The following SRGAP1 variants were observed in gnomAD, a reference collection of about 807,000 sequenced individuals.
SRGAP1 encodes SLIT-ROBO Rho GTPase activating protein 1, also known as SLIT-ROBO Rho GTPase-activating protein 1.
SRGAP1 carries 43 observed loss-of-function variants against 121.9 expected under a neutral mutation model. That is an observed-to-expected ratio of 0.35 (90% CI 0.28 to 0.46). The LOEUF is 0.46. Among genes scored for constraint, SRGAP1 ranks in the 20% least tolerant of loss-of-function variants. The pLI, the probability that SRGAP1 is intolerant of heterozygous loss-of-function variation, is 1.00. For missense variants in SRGAP1, 1,102 were observed against 1,350.9 expected, an observed-to-expected ratio of 0.82 and a Z score of 2.89; for synonymous variants, 447 against 485.4, an observed-to-expected ratio of 0.92 and a Z score of 1.04.
At chr12:64,138,441 A>G (rs185583353) in intron 21 of SRGAP1, among the ~76,000 whole-genome samples, 42 of 144,026 alleles carry the variant, frequency 2.9e-4, no homozygotes, top group African/African-American at 1.0e-3. Context: ...TCTGAAATAA[A>G]TTGACTTTTT....
At chr12:63,899,765 G>A (rs558138807) in intron 1 of SRGAP1, among the ~76,000 whole-genome samples, 25 of 152,264 alleles carry the variant, frequency 1.6e-4, no homozygotes, top group African/African-American at 5.5e-4. Context: ...ATGTAAGGAG[G>A]CAGCATTAGG....
At chr12:64,001,085 A>C (rs922953228) in intron 3 of SRGAP1, among the ~76,000 whole-genome samples, 1 of 152,178 alleles carries the variant, frequency 6.6e-6, no homozygotes, top group Admixed American at 6.5e-5. Flanking sequence ...AACACGTAGT[A>C]CTTTCGAGCC....
chr12:64,064,567 G>A (rs557076528), intron 7 of SRGAP1, among the ~76,000 whole-genome samples: 138 of 152,246 alleles, frequency 9.1e-4, no homozygotes, highest in African/African-American at 3.1e-3. Context: ...CCTTGTGTAC[G>A]TTGTCTCATT....
chr12:63,960,586 G>T (rs1340736685), intron 1 of SRGAP1, among the ~76,000 whole-genome samples: 1 of 152,050 alleles, frequency 6.6e-6, no homozygotes, highest in South Asian at 2.1e-4. Context: ...CTGAATAATG[G>T]CTCCCCCAAA....
chr12:63,940,936 C>T (rs1339740734), intron 1 of SRGAP1, among the ~76,000 whole-genome samples: 3 of 152,092 alleles, frequency 2.0e-5, no homozygotes, highest in Non-Finnish European at 2.9e-5. Flanking sequence ...CATTACCTTC[C>T]CGCGGCCTGA....
intron 1 of SRGAP1, among the ~76,000 whole-genome samples, chr12:63,893,860 A>T (rs1900664561): frequency 6.6e-6 from 1 of 152,204 alleles, no homozygotes; most frequent in South Asian, 2.1e-4. Context: ...TGTTTTTGAG[A>T]CAGAGTCTTG....
intron 1 of SRGAP1, among the ~76,000 whole-genome samples, chr12:63,924,615 AG>A (rs987962379): frequency 6.6e-6 from 1 of 152,238 alleles, no homozygotes. Context: ...TTTATACCCT[AG>A]TGAACTTTAT....
At chr12:64,053,616 G>A (rs1458504347) in intron 6 of SRGAP1, among the ~76,000 whole-genome samples, 1 of 152,144 alleles carries the variant, frequency 6.6e-6, no homozygotes, top group African/African-American at 2.4e-5. Context: ...AATATAAATT[G>A]TAAGAATAAA....
intron 1 of SRGAP1, among the ~76,000 whole-genome samples, chr12:63,904,739 T>G (rs77032611): frequency 0.048 from 7,316 of 152,112 alleles, 267 homozygotes; most frequent in Middle Eastern, 0.14. Flanking sequence ...AAGACCAACG[T>G]GGTCAACTTT....
At chr12:64,042,687 T>C in intron 4 of SRGAP1, 103 bp from the exon 5 acceptor site, 1 of 765,758 alleles carries the variant, frequency 1.3e-6, no homozygotes, top group Non-Finnish European at 2.0e-6. Flanking sequence ...CCTCTGCCAT[T>C]TGGAAGGTGG....
intron 1 of SRGAP1, among the ~76,000 whole-genome samples, chr12:63,851,188 T>C (rs1011769142): frequency 3.3e-5 from 5 of 152,130 alleles, no homozygotes; most frequent in Non-Finnish European, 7.4e-5. Context: ...GAGACAGTTA[T>C]GTAAAGGTAA....
chr12:64,029,615 G>A (rs2034728897), intron 4 of SRGAP1, among the ~76,000 whole-genome samples: 1 of 152,168 alleles, frequency 6.6e-6, no homozygotes, highest in Admixed American at 6.5e-5. Flanking sequence ...GTGTGTGACG[G>A]AAAGCACAGA....
At chr12:63,876,210 G>T (rs1390688671) in intron 1 of SRGAP1, among the ~76,000 whole-genome samples, 1 of 152,226 alleles carries the variant, frequency 6.6e-6, no homozygotes, top group Non-Finnish European at 1.5e-5. Context: ...CAGAAAACAC[G>T]CTTGGAGAAA....
intron 1 of SRGAP1, among the ~76,000 whole-genome samples, chr12:63,858,933 C>T (rs1565923611): frequency 6.6e-6 from 1 of 151,616 alleles, no homozygotes; most frequent in East Asian, 2.0e-4. Flanking sequence ...GAACTCCTGA[C>T]CTCAGGTGAT....
At chr12:64,096,373 C>T (rs1056147956) in intron 14 of SRGAP1, among the ~76,000 whole-genome samples, 1 of 151,996 alleles carries the variant, frequency 6.6e-6, no homozygotes, top group African/African-American at 2.4e-5. Context: ...CGTTAAAATG[C>T]AATGCACACT....
intron 1 of SRGAP1, among the ~76,000 whole-genome samples, chr12:63,944,398 C>T (rs764648752): frequency 5.3e-5 from 8 of 152,192 alleles, no homozygotes; most frequent in Non-Finnish European, 2.9e-5. Flanking sequence ...TGGTCATCTT[C>T]TCAACCTTGC....
intron 3 of SRGAP1, among the ~76,000 whole-genome samples, chr12:64,004,395 CAG>C (rs2034010746): frequency 6.6e-6 from 1 of 152,066 alleles, no homozygotes; most frequent in Non-Finnish European, 1.5e-5. Context: ...TCACTTGAGA[CAG>C]AGTCTCACTC....
rs758632422 is a variant in SRGAP1, at chr12:64,097,389, T to A, written c.1813+14T>A. On this transcript the variant is annotated intron_variant, in intron 15 of 21. Coordinates refer to ENST00000355086, the MANE Select transcript of SRGAP1 (RefSeq NM_020762.4). ...TTTCTTGTATCAGTAAGTGGACATT[T>A]TTTTCATCTTTTCCCACAAGAATTA... is the stretch of plus-strand genomic sequence containing the variant. The A allele has an allele frequency of 4.4e-6, 7 of 1,604,042 alleles. No individual in the cohort carries two copies. The East Asian group carries it at 1.1e-4, about 26-fold the overall frequency.
chr12:63,986,136 A>ACT (rs1043200988), intron 2 of SRGAP1, among the ~76,000 whole-genome samples: 1 of 115,868 alleles, frequency 8.6e-6, no homozygotes, highest in African/African-American at 3.3e-5. Context: ...TCTCCCTTTC[A>ACT]CTCTCTCTCT....
Sources: gnomAD v4.1 joint callset for allele counts (sites outside exome capture counted in the v4.1 genomes callset) on GRCh38, gnomAD v4.1.1 for gene constraint, MANE v1.5 for transcripts, NCBI Gene and HGNC (gene_info 2026-07-23, HGNC 2026-07-21) for gene names.